The following CYP46A1 variants were observed in gnomAD, a reference collection of about 807,000 sequenced individuals.
CYP46A1 encodes the protein cholesterol 24-hydroxylase.
CYP46A1 carries 20 observed loss-of-function variants against 63.3 expected under a neutral mutation model. The observed-to-expected ratio is 0.32, with a 90% CI of 0.22 to 0.46. CYP46A1 has a LOEUF of 0.46. CYP46A1 is among the 20% of genes least tolerant of loss of function. CYP46A1 has a pLI of 1.00. For synonymous variants in CYP46A1, 268 were observed against 273.6 expected (o/e 0.98, Z 0.20); for missense variants, 445 against 670.8 (o/e 0.66, Z 3.72).
chr14:99,713,839 A>G (rs913472714), intron 7 of CYP46A1, among the ~76,000 whole-genome samples: 4 of 135,784 alleles, frequency 2.9e-5, no homozygotes, highest in South Asian at 2.4e-4. Flanking sequence ...GCACTCCAGC[A>G]TGGCTGACAG....
At chr14:99,713,801 G>T (rs1034314747) in intron 7 of CYP46A1, among the ~76,000 whole-genome samples, 2 of 145,168 alleles carry the variant, frequency 1.4e-5, no homozygotes, top group Admixed American at 7.2e-5. Context: ...AGGAGGCAGA[G>T]GTTGCAGTGA....
At chr14:99,724,801 G>T (rs2056880472) in intron 12 of CYP46A1, among the ~76,000 whole-genome samples, 1 of 152,168 alleles carries the variant, frequency 6.6e-6, no homozygotes, top group South Asian at 2.1e-4. Context: ...AGAGAGCCAG[G>T]GGTGGAACAG....
At chr14:99,690,969 C>T (rs2056538241) in intron 1 of CYP46A1, 112 bp from the exon 2 acceptor site, 1 of 1,003,284 alleles carries the variant, frequency 1.0e-6, no homozygotes, top group Non-Finnish European at 1.6e-6. Flanking sequence ...GTAACCTCCC[C>T]ATGCCTCGGT....
Position 99,684,321 on chromosome 14 carries a change from A to T in CYP46A1, c.-97A>T. The stretch of plus-strand genomic sequence containing the variant: ...CTGGGTCGCGCCTGGCCTGGGGCCG[A>T]GGCGGCGCGCGGCGCTGACAGCTGA... On this transcript the variant is annotated 5_prime_UTR_variant, in exon 1 of 15. Transcript: ENST00000261835. The T allele has an allele frequency of 1.5e-6, 1 of 654,896 alleles. No individual in the cohort carries two copies. Among genetic ancestry groups the T allele is most frequent in the Non-Finnish European group, 2.1e-6 (1 of 481,294 alleles). The allele number at this position is 654,896 out of a possible 1,614,324, so 40.6% of individuals were successfully genotyped here.
intron 5 of CYP46A1, among the ~76,000 whole-genome samples, chr14:99,702,671 T>C (rs2056642147): frequency 6.6e-6 from 1 of 152,134 alleles, no homozygotes; most frequent in Non-Finnish European, 1.5e-5. Context: ...TATATGTAAA[T>C]ATATTTATCA....
chr14:99,724,301 A>T (rs1158740321), intron 12 of CYP46A1, among the ~76,000 whole-genome samples: 6 of 152,076 alleles, frequency 3.9e-5, no homozygotes, highest in African/African-American at 1.4e-4. Context: ...AGGAAGGAGG[A>T]GCCCCAGTCC....
chr14:99,699,276 G>A (rs2056610715), intron 3 of CYP46A1, among the ~76,000 whole-genome samples, 190 bp from the exon 4 acceptor site: 1 of 152,116 alleles, frequency 6.6e-6, no homozygotes, highest in Non-Finnish European at 1.5e-5. Context: ...CCTCTGTGCT[G>A]CATTTTCCCC....
chr14:99,720,097 A>G (rs2056832086), intron 10 of CYP46A1, among the ~76,000 whole-genome samples: 1 of 152,070 alleles, frequency 6.6e-6, no homozygotes, highest in South Asian at 2.1e-4. Flanking sequence ...CTAATGTTCC[A>G]TTGTAAGCAT....
intron 5 of CYP46A1, chr14:99,703,943 A>G: frequency 1.0e-6 from 1 of 952,468 alleles, no homozygotes; most frequent in Non-Finnish European, 1.3e-6. Context: ...TATTGTGCCA[A>G]GAGCCAGGGT....
At chr14:99,708,824 C>T (rs1171707345) in intron 7 of CYP46A1, 1 of 152,308 alleles carries the variant, frequency 6.6e-6, no homozygotes, top group Non-Finnish European at 1.5e-5. Context: ...ACAGGCCCAT[C>T]CTACCCACTG....
chr14:99,694,498 C>CTT (rs879770521), intron 3 of CYP46A1, among the ~76,000 whole-genome samples: 7 of 136,512 alleles, frequency 5.1e-5, no homozygotes, highest in Admixed American at 7.4e-5. Context: ...GATTTCTCCT[C>CTT]TTTTTTTTTT....
chr14:99,697,283 C>T (rs2056595041), intron 3 of CYP46A1, among the ~76,000 whole-genome samples: 1 of 151,374 alleles, frequency 6.6e-6, no homozygotes, highest in Non-Finnish European at 1.5e-5. Flanking sequence ...CTATGCACAG[C>T]TTCTCCCTGG....
At chr14:99,717,752 T>G (rs2295910) in intron 9 of CYP46A1, 43,781 of 350,484 alleles carry the variant, frequency 0.12, 4,128 homozygotes, top group African/African-American at 0.32. Flanking sequence ...GCACCCTGCA[T>G]CCTGGGAAGG....
chr14:99,700,084 C>A lies in CYP46A1; in HGVS notation c.426C>A (p.Asp142Glu), dbSNP rs1277328893. ...ERWHKQRRVI[D>E]LAFSRSSLVS... ...GGCACAAGCAGCGGAGAGTCATAGA[C>A]CTGGCCTTCAGCCGGAGGTGAGTGT... Residue 142 changes from aspartate to glutamate, a missense_variant, in exon 5 of 15, where the codon GAC (aspartate) becomes GAA (glutamate). Physicochemically the swap from Asp to Glu is conservative, Grantham distance 45. Around this residue, in one of 4 missense-constraint regions of CYP46A1, gnomAD observed 252 missense variants for 383.3 expected, o/e 0.66. Transcript: ENST00000261835. 5.6e-6 allele frequency: 9 copies of A among 1,602,838 alleles called. No individual in the cohort carries two copies. Among genetic ancestry groups the A allele is most frequent in the Non-Finnish European group, 7.7e-6 (9 of 1,172,670 alleles).
chr14:99,694,876 A>C (rs1184382481), intron 3 of CYP46A1, among the ~76,000 whole-genome samples: 3 of 152,136 alleles, frequency 2.0e-5, no homozygotes, highest in African/African-American at 7.2e-5. Flanking sequence ...TTTAGGATGG[A>C]GTTTAAACAA....
intron 7 of CYP46A1, chr14:99,709,914 T>C (rs985239945): frequency 6.6e-6 from 1 of 152,198 alleles, no homozygotes; most frequent in Admixed American, 6.5e-5. Context: ...CCAGGAGTGA[T>C]TGGGATAATA....
chr14:99,713,865 C>CAAAAAAAAAAAAAA (rs71113218), intron 7 of CYP46A1, among the ~76,000 whole-genome samples: 1 of 67,566 alleles, frequency 1.5e-5, no homozygotes, highest in Non-Finnish European at 2.7e-5. Flanking sequence ...GACTCCATCT[C>CAAAAAAAAAAAAAA]AAAAAAAAAA....
chr14:99,712,662 A>G (rs1032091010), intron 7 of CYP46A1: 1 of 152,188 alleles, frequency 6.6e-6, no homozygotes, highest in Non-Finnish European at 1.5e-5. Flanking sequence ...CAAACAAATG[A>G]AAAAACATCC....
chr14:99,726,048 T>A (rs966355790), intron 13 of CYP46A1, 142 bp from the exon 14 acceptor site: 57 of 722,574 alleles, frequency 7.9e-5, no homozygotes, highest in Non-Finnish European at 4.9e-6. Flanking sequence ...GAGTCAGCGG[T>A]TCATGCTTTG....
Sources: gnomAD v4.1 joint callset for allele counts (sites outside exome capture counted in the v4.1 genomes callset) on GRCh38, gnomAD v4.1.1 for gene constraint, gnomAD v4.1.1 regional missense constraint, MANE v1.5 for transcripts, NCBI Gene and HGNC (gene_info 2026-07-23, HGNC 2026-07-21) for gene names.